WDFY3: variants seen among roughly 807,000 people sequenced by gnomAD.
WDFY3 encodes WD repeat and FYVE domain containing 3, also known as WD repeat and FYVE domain-containing protein 3.
WDFY3 carries 66 observed loss-of-function variants against 409.6 expected under a neutral mutation model. The ratio of observed to expected loss-of-function variants is 0.16; its 90% confidence interval spans 0.13 to 0.20. The LOEUF (loss-of-function observed/expected upper bound fraction) is 0.20, where lower values mean the gene tolerates loss of function less well. Among genes scored for constraint, WDFY3 ranks in the 10% least tolerant of loss-of-function variants. The pLI is 1.00. For synonymous variants in WDFY3, 1,521 were observed against 1,537.1 expected, an observed-to-expected ratio of 0.99 and a Z score of 0.25; for missense variants, 3,031 against 4,298.1, an observed-to-expected ratio of 0.71 and a Z score of 8.24.
At chr4:84,813,662 T>C (rs758664742) in intron 13 of WDFY3, among the ~76,000 whole-genome samples, 1 of 152,102 alleles carries the variant, frequency 6.6e-6, no homozygotes, top group Non-Finnish European at 1.5e-5. Flanking sequence ...TTACTAACAT[T>C]AACCAGAACA....
intron 1 of WDFY3, among the ~76,000 whole-genome samples, chr4:84,960,464 C>T (rs1167613504): frequency 2.6e-5 from 4 of 152,182 alleles, no homozygotes; most frequent in African/African-American, 9.7e-5. Flanking sequence ...ACTACATGCA[C>T]AAGACATTCG....
At chr4:84,953,388 T>C (rs757918490) in intron 1 of WDFY3, among the ~76,000 whole-genome samples, 4 of 152,130 alleles carry the variant, frequency 2.6e-5, no homozygotes, top group African/African-American at 4.8e-5. Context: ...ATGTATTGTA[T>C]TCAGGATTTT....
At chr4:84,756,013 T>A (rs1316724550) in intron 33 of WDFY3, among the ~76,000 whole-genome samples, 2 of 152,210 alleles carry the variant, frequency 1.3e-5, no homozygotes, top group African/African-American at 4.8e-5. Flanking sequence ...AGAATTGATT[T>A]GAATAGCATT....
At position 84,860,532 on chromosome 4, in the gene WDFY3, G is replaced by A; in HGVS notation, c.60C>T (p.Asp20=). The A allele has an allele frequency of 2.5e-6, 4 of 1,613,864 alleles. No homozygotes were observed. The highest frequency in any genetic ancestry group is 3.4e-6 in the Non-Finnish European group (4 of 1,179,836). The change falls in exon 4 of 68, where the codon GAC becomes GAT. Residue 20 remains aspartate (D), a synonymous_variant. Coordinates refer to ENST00000295888, the MANE Select transcript of WDFY3 (RefSeq NM_014991.6). ...RPRQEECSPQ[D]NALGLMHLRR... ...GGAGGTGCATCAGTCCTAAGGCGTT[G>A]TCTTGTGGGCTGCACTCCTCCTGCC... is the stretch of plus-strand genomic sequence containing the variant.
rs76931325 is a variant in WDFY3, at chr4:84,910,236, A to G, written c.-131-13226T>C. Among the ~76,000 whole-genome samples the G allele has an allele frequency of 2.3e-3, 348 of 152,304 alleles. 1 individual carries two copies. The highest frequency in any genetic ancestry group is 7.8e-3 in the African/African-American group (326 of 41,572). On this transcript the variant is annotated intron_variant, in intron 2 of 67. Coordinates refer to ENST00000295888, the MANE Select transcript of WDFY3 (RefSeq NM_014991.6). Reference sequence around the variant, plus strand: ...GGAGGATACGCACAGGTTATGTGCAAAAACTATGCCATTTCCTATCACGGA... The same window carrying G: ...GGAGGATACGCACAGGTTATGTGCAGAAACTATGCCATTTCCTATCACGGA...
Position 84,688,096 on chromosome 4 carries a change from T to C in WDFY3, c.9533A>G (p.Asn3178Ser), listed in dbSNP as rs771599993. The C allele has an allele frequency of 3.1e-6, 5 of 1,613,618 alleles. No homozygotes were observed. Among genetic ancestry groups the C allele is most frequent in the Non-Finnish European group, 3.4e-6 (4 of 1,179,782 alleles). The change falls in exon 62 of 68, where the codon AAT becomes AGT. Residue 3178 changes from asparagine to serine, a missense_variant. Coordinates refer to ENST00000295888, the MANE Select transcript of WDFY3 (RefSeq NM_014991.6). The stretch of plus-strand genomic sequence containing the variant: ...CAATTTACTACTTACTGTTAATTCA[T>C]TGATACAAAGAGCAGAAACTGGAGC... ...HRAPVSALCINELTGDIVSCA... is the reference protein window; with the variant it reads ...HRAPVSALCISELTGDIVSCA...
chr4:84,753,490 C>T (rs542959708), intron 35 of WDFY3, among the ~76,000 whole-genome samples: 9 of 152,234 alleles, frequency 5.9e-5, no homozygotes, highest in African/African-American at 2.2e-4. Context: ...GTAGAGTTCA[C>T]TGTGATTTTA....
chr4:84,948,982 T>C (rs546996519), intron 1 of WDFY3, among the ~76,000 whole-genome samples: 20 of 152,248 alleles, frequency 1.3e-4, no homozygotes, highest in Non-Finnish European at 2.2e-4. Context: ...TTCCCATTAA[T>C]AGGTTGACTG....
At chr4:84,736,379 G>C (rs903812313) in intron 41 of WDFY3, 52 bp from the exon 42 acceptor site, 13 of 1,490,652 alleles carry the variant, frequency 8.7e-6, no homozygotes, top group African/African-American at 1.4e-5. Context: ...GTATTTATGA[G>C]TCTTACTTTA....
chr4:84,739,819 C>T lies in WDFY3; in HGVS notation c.6464+368G>A, dbSNP rs541363073. 2.9e-4 allele frequency among the ~76,000 whole-genome samples: 44 copies of T among 152,256 alleles called. 1 individual carries two copies. The South Asian group carries it at 8.7e-3, about 30-fold the overall frequency. ...CGGCAGACTCTAATGAAATATCTGTCAAAGCAATCAACTGAAAAATACTAA... is the reference window on the plus strand; with the variant it reads ...CGGCAGACTCTAATGAAATATCTGTTAAAGCAATCAACTGAAAAATACTAA... On this transcript the variant is annotated intron_variant, in intron 39 of 67. Coordinates refer to ENST00000295888, the MANE Select transcript of WDFY3 (RefSeq NM_014991.6).
chr4:84,689,463 C>T lies in WDFY3; in HGVS notation c.9363+1043G>A, dbSNP rs533812373. Among the ~76,000 whole-genome samples the T allele has an allele frequency of 5.3e-5, 8 of 152,190 alleles. No individual in the cohort carries two copies. The East Asian group carries it at 1.5e-3, about 29-fold the overall frequency. ...TGAATCAGCAAAATGTACTATTAAC[C>T]TTGTAATCTGTTCACTTCAAGACTT... is the stretch of plus-strand genomic sequence containing the variant. On this transcript the variant is annotated intron_variant, in intron 61 of 67. Coordinates refer to ENST00000295888, the MANE Select transcript of WDFY3 (RefSeq NM_014991.6).
intron 3 of WDFY3, 75 bp from the exon 4 acceptor site, chr4:84,860,697 T>C: frequency 8.1e-7 from 1 of 1,239,084 alleles, no homozygotes; most frequent in Non-Finnish European, 1.0e-6. Flanking sequence ...TGTAAGAGCT[T>C]ATAAGAAATT....
chr4:84,697,132 G>A (rs1223343453), intron 56 of WDFY3, among the ~76,000 whole-genome samples: 3 of 152,188 alleles, frequency 2.0e-5, no homozygotes, highest in African/African-American at 7.2e-5. Context: ...CTCCTCGGAG[G>A]TTTAATATGC....
At chr4:84,801,100 G>C (rs2149643260) in intron 17 of WDFY3, among the ~76,000 whole-genome samples, 1 of 152,276 alleles carries the variant, frequency 6.6e-6, no homozygotes, top group South Asian at 2.1e-4. Context: ...AGAAATCTTT[G>C]TGACATCGTA....
At chr4:84,875,487 G>T (rs1762662683) in intron 3 of WDFY3, among the ~76,000 whole-genome samples, 2 of 151,962 alleles carry the variant, frequency 1.3e-5, no homozygotes, top group Admixed American at 1.3e-4. Flanking sequence ...TGTACACTGA[G>T]GTTACACTAA....
chr4:84,950,446 T>C (rs1773461715), intron 1 of WDFY3, among the ~76,000 whole-genome samples: 1 of 151,986 alleles, frequency 6.6e-6, no homozygotes. Context: ...TTATTTAATA[T>C]AGGCTAAACT....
At chr4:84,850,267 C>T (rs1758705101) in intron 4 of WDFY3, among the ~76,000 whole-genome samples, 1 of 152,070 alleles carries the variant, frequency 6.6e-6, no homozygotes, top group South Asian at 2.1e-4. Flanking sequence ...GACCCATAGA[C>T]ATTATTGATA....
chr4:84,862,725 C>T lies in WDFY3; in HGVS notation c.-31-2103G>A, dbSNP rs186186594. On this transcript the variant is annotated intron_variant, in intron 3 of 67. Transcript: ENST00000295888. Reference sequence around the variant, plus strand: ...TTTTTCTGCTGGGCGCGGCGGCTGACGCCTGTAATCCCAGCACTTTGGGAG... The same window carrying T: ...TTTTTCTGCTGGGCGCGGCGGCTGATGCCTGTAATCCCAGCACTTTGGGAG... Among the ~76,000 whole-genome samples, 669 of 152,196 alleles carry T rather than the reference C, an allele frequency of 4.4e-3. 4 individuals carry two copies. Among genetic ancestry groups the T allele is most frequent in the African/African-American group, 0.015 (620 of 41,534 alleles).
Position 84,824,200 on chromosome 4 carries a change from G to C in WDFY3, c.1123+2615C>G, listed in dbSNP as rs1049035470. ...TTTCAGTTACCCATGGTTAATTACA[G>C]TCTGAAAACATTACATACAATAAGA... On this transcript the variant is annotated intron_variant, in intron 10 of 67. Coordinates refer to ENST00000295888, the MANE Select transcript of WDFY3 (RefSeq NM_014991.6). Among the ~76,000 whole-genome samples, 5 of 152,168 alleles carry C rather than the reference G, an allele frequency of 3.3e-5. No individual in the cohort carries two copies. In the East Asian group the frequency reaches 9.6e-4, roughly 29 times the overall value.
Sources: allele counts gnomAD v4.1 joint callset (sites outside exome capture counted in the v4.1 genomes callset), GRCh38; gene constraint gnomAD v4.1.1; transcripts MANE v1.5; gene names NCBI Gene and HGNC (gene_info 2026-07-23, HGNC 2026-07-21).